The following CLEC4A variants were observed in gnomAD, a reference collection of about 807,000 sequenced individuals.
CLEC4A encodes C-type (calcium dependent, carbohydrate-recognition domain) lectin, superfamily member 6.
CLEC4A carries 27 observed loss-of-function variants against 32.7 expected under a neutral mutation model. That is an observed-to-expected ratio of 0.83 (90% confidence interval 0.61 to 1.14). The LOEUF (loss-of-function observed/expected upper bound fraction) is 1.14. Ranked by LOEUF, CLEC4A falls within the 50% of genes most tolerant of loss-of-function variation. The probability of loss-of-function intolerance (pLI) is 0.00; values close to 1 mark genes in which losing one functional copy is unlikely to be tolerated. For missense variants in CLEC4A, 253 were observed against 274.6 expected, an observed-to-expected ratio of 0.92 and a Z score of 0.55; for synonymous variants, 89 against 93.7, an observed-to-expected ratio of 0.95 and a Z score of 0.29.
In CLEC4A at chr12:8,123,943, A is replaced by G. The variant is rs36113649; in HGVS notation, c.65A>G (p.Asn22Ser). 6.2e-7 allele frequency: 1 copy of G among 1,609,422 alleles called. No homozygotes were observed. Among genetic ancestry groups the G allele is most frequent in the Non-Finnish European group, 8.5e-7 (1 of 1,175,762 alleles). Residue 22 changes from asparagine to serine, a missense_variant, in exon 1 of 6, where the codon AAC (asparagine) becomes AGC (serine). Transcript: ENST00000229332. ...FKNEFKSSGI[N>S]TASSAASKER... ...AATGAATTCAAGTCCTCAGGCATCA[A>G]CACAGCCTCTTCTGCAGGTAAAGAT...
chr12:8,130,293 A>G (rs145229927), intron 3 of CLEC4A, among the ~76,000 whole-genome samples: 1 of 152,296 alleles, frequency 6.6e-6, no homozygotes, highest in African/African-American at 2.4e-5. Context: ...ATATCAGTTA[A>G]AACCATGTGA....
At chr12:8,128,761 G>A (rs1947943002) in intron 2 of CLEC4A, among the ~76,000 whole-genome samples, 1 of 152,192 alleles carries the variant, frequency 6.6e-6, no homozygotes, top group Non-Finnish European at 1.5e-5. Context: ...GAGAGCGTTG[G>A]TGTGCTGAGG....
At chr12:8,135,045 A>ATTTTTTTTTTTTTTTTTTT (rs1565406500) in intron 3 of CLEC4A, among the ~76,000 whole-genome samples, 1 of 4,966 alleles carries the variant, frequency 2.0e-4, no homozygotes, top group Non-Finnish European at 4.8e-4. Context: ...CAATTTTATT[A>ATTTTTTTTTTTTTTTTTTT]TCTTTTTTTT....
In CLEC4A at chr12:8,138,548, T is replaced by A. The variant is rs1324833434; in HGVS notation, c.*261T>A. 1.3e-5 allele frequency: 4 copies of A among 297,756 alleles called. 1 individual carries two copies. Among genetic ancestry groups the A allele is most frequent in the African/African-American group, 8.7e-5 (4 of 45,820 alleles). The allele number at this position is 297,756 out of a possible 1,614,324, so 18.4% of individuals were successfully genotyped here. ...ACATGGAGAGAACATGAGTCTCTCT[T>A]AATTTTTATCTGGTTGCTAAAGAAT... On this transcript the variant is annotated 3_prime_UTR_variant, in exon 6 of 6. Transcript: ENST00000229332.
chr12:8,133,829 C>G (rs1948042254), intron 3 of CLEC4A: 4 of 1,585,934 alleles, frequency 2.5e-6, no homozygotes, highest in South Asian at 2.3e-5. Flanking sequence ...AAAGGCTTCC[C>G]CCTCAGGGAA....
rs1353398435 is a variant in CLEC4A at position 8,129,374 on chromosome 12, T to C, written c.298+12T>C. 6.5e-7 allele frequency: 1 copy of C among 1,534,288 alleles called. No homozygotes were observed. The highest frequency in any genetic ancestry group is 2.2e-5 in the East Asian group (1 of 44,484). ...TATGCCCGTGGAAGGTAAAAATTAA[T>C]GTGCCTAGAATTCAGTTGCTGAATG... On this transcript the variant is annotated intron_variant, in intron 3 of 5. Transcript: ENST00000229332.
At chr12:8,135,075 A>G (rs1431029872) in intron 3 of CLEC4A, among the ~76,000 whole-genome samples, 3 of 5,372 alleles carry the variant, frequency 5.6e-4, no homozygotes, top group African/African-American at 1.1e-3. Flanking sequence ...TTTTTGAGAC[A>G]GGTTCTCGCT....
Position 8,135,041 on chromosome 12 carries a change from TATTATC to T in CLEC4A, c.299-543_299-538del, listed in dbSNP as rs200722516. ...CTTTGTCAGATAATTCTAACAATTTTATTATCTTTTTTTTTTTTTTTTTTTTTTGAG... is the reference window on the plus strand; with the variant it reads ...CTTTGTCAGATAATTCTAACAATTTTTTTTTTTTTTTTTTTTTTTTTTGAG... On this transcript the variant is annotated intron_variant, in intron 3 of 5. Coordinates refer to ENST00000229332, the MANE Select transcript of CLEC4A (RefSeq NM_016184.4). 2.0e-3 allele frequency among the ~76,000 whole-genome samples: 173 copies of T among 87,260 alleles called. 3 individuals are homozygous for T. The highest frequency in any genetic ancestry group is 2.9e-3 in the East Asian group (8 of 2,736). 57.2% of individuals were successfully genotyped at this position (87,260 alleles called of 152,430 possible). A position where few individuals can be genotyped will look rare whatever the true frequency, so the allele number is the denominator to read the frequency against.
chr12:8,115,968 A>C, the CLEC4A span, among the ~76,000 whole-genome samples: 1 of 151,430 alleles, frequency 6.6e-6, no homozygotes, highest in East Asian at 2.0e-4. Flanking sequence ...TTTAATCTAT[A>C]TATATATTTT....
chr12:8,134,512 G>C (rs1948057542), intron 3 of CLEC4A: 1 of 1,613,856 alleles, frequency 6.2e-7, no homozygotes, highest in African/African-American at 1.3e-5. Flanking sequence ...ACGGTGCAGG[G>C]CTCCGGGGAG....
intron 3 of CLEC4A, among the ~76,000 whole-genome samples, chr12:8,135,054 T>TG: frequency 6.5e-5 from 5 of 77,292 alleles, no homozygotes; most frequent in Non-Finnish European, 1.1e-4. Flanking sequence ...TATCTTTTTT[T>TG]TTTTTTTTTT....
chr12:8,103,534 C>T, the CLEC4A span, among the ~76,000 whole-genome samples: 43 of 151,544 alleles, frequency 2.8e-4, no homozygotes, highest in South Asian at 2.1e-4. Context: ...TACAGGGGCA[C>T]GCCACCACGC....
At chr12:8,136,165 G>A (rs757441493) in intron 4 of CLEC4A, among the ~76,000 whole-genome samples, 37 of 152,192 alleles carry the variant, frequency 2.4e-4, no homozygotes, top group Admixed American at 2.6e-4. Context: ...GAAAATGACT[G>A]AATCTGCCAA....
At chr12:8,118,628 G>A (rs114057941), upstream of CLEC4A, among the ~76,000 whole-genome samples, 3 of 152,132 alleles carry the variant, frequency 2.0e-5, no homozygotes, top group African/African-American at 4.8e-5. Context: ...CAGATCTCAC[G>A]AGAACTCACT....
chr12:8,107,956 T>C, the CLEC4A span, among the ~76,000 whole-genome samples: 2 of 152,178 alleles, frequency 1.3e-5, no homozygotes, highest in African/African-American at 2.4e-5. Context: ...CTTGTTTCTC[T>C]AGTTCCTCTA....
chr12:8,103,426 G>A, the CLEC4A span, among the ~76,000 whole-genome samples: 7 of 108,628 alleles, frequency 6.4e-5, no homozygotes, highest in Non-Finnish European at 1.2e-4. Context: ...TCACTCTGTC[G>A]CCCAGGCTGG....
At chr12:8,135,428 C>G (rs1591612436) in intron 3 of CLEC4A, among the ~76,000 whole-genome samples, 157 bp from the exon 4 acceptor site, 1 of 152,062 alleles carries the variant, frequency 6.6e-6, no homozygotes, top group Non-Finnish European at 1.5e-5. Flanking sequence ...GACTTGGCTT[C>G]CTTGACACCT....
Position 8,138,226 on chromosome 12 carries a change from A to G in CLEC4A, c.653A>G (p.Asn218Ser), listed in dbSNP as rs1486218724. ...AAATCACCCAAAAGATGGGGCTGGA[A>G]TGATGTTAATTGTCTTGGTCCTCAA... Reference protein sequence around the residue: ...FRKSPKRWGWNDVNCLGPQRS... With the variant: ...FRKSPKRWGWSDVNCLGPQRS... The change falls in exon 6 of 6, where the codon AAT (asparagine) becomes AGT (serine). Residue 218 changes from asparagine (N) to serine (S), a missense_variant. Physicochemically the swap from Asn to Ser is conservative, Grantham distance 46. Transcript: ENST00000229332. The G allele has an allele frequency of 1.9e-6, 3 of 1,614,042 alleles. No individual in the cohort carries two copies. The highest frequency in any genetic ancestry group is 2.5e-6 in the Non-Finnish European group (3 of 1,180,038).
At chr12:8,119,757 T>C (rs1431271516), upstream of CLEC4A, among the ~76,000 whole-genome samples, 2 of 152,174 alleles carry the variant, frequency 1.3e-5, no homozygotes, top group Non-Finnish European at 2.9e-5. Flanking sequence ...ATCAACTACC[T>C]GGACTTAGGC....
Sources: allele counts gnomAD v4.1 joint callset (sites outside exome capture counted in the v4.1 genomes callset), GRCh38; gene constraint gnomAD v4.1.1; transcripts MANE v1.5; gene names NCBI Gene and HGNC (gene_info 2026-07-23, HGNC 2026-07-21).